Variants in ATG10 observed in about 807,000 individuals in gnomAD.
The protein encoded by ATG10 is ubiquitin-like-conjugating enzyme ATG10.
A neutral mutation model predicts 32.1 loss-of-function variants in ATG10; 30 were observed. The ratio of observed to expected loss-of-function variants is 0.94; its 90% confidence interval spans 0.70 to 1.27. ATG10 has a LOEUF of 1.27. Ranked by LOEUF, ATG10 falls within the 50% of genes most tolerant of loss-of-function variation. ATG10 has a pLI of 0.00. For missense variants in ATG10, 233 were observed against 262.3 expected (o/e 0.89, Z 0.77); for synonymous variants, 87 against 91.5 (o/e 0.95, Z 0.28).
chr5:82,112,273 C>T (rs546978846), intron 3 of ATG10, among the ~76,000 whole-genome samples: 113 of 151,856 alleles, frequency 7.4e-4, no homozygotes, highest in Non-Finnish European at 1.2e-3. Context: ...TCCTGAAATA[C>T]AAATTTAATG....
intron 3 of ATG10, among the ~76,000 whole-genome samples, chr5:82,123,921 G>A (rs777206698): frequency 1.3e-5 from 2 of 151,978 alleles, no homozygotes; most frequent in Non-Finnish European, 2.9e-5. Flanking sequence ...GGGTGACAGA[G>A]CAAGACCCTG....
intron 2 of ATG10, among the ~76,000 whole-genome samples, chr5:82,019,628 A>G (rs1426705238): frequency 6.6e-6 from 1 of 152,184 alleles, no homozygotes; most frequent in Non-Finnish European, 1.5e-5. Context: ...TTCTTAATGA[A>G]AAACCACTCT....
At chr5:82,063,985 A>C (rs763967223) in intron 3 of ATG10, among the ~76,000 whole-genome samples, 29 of 152,220 alleles carry the variant, frequency 1.9e-4, no homozygotes, top group Non-Finnish European at 2.2e-4. Context: ...AAAAGTTAAA[A>C]AAATTGAATA....
intron 5 of ATG10, chr5:82,242,951 C>T (rs1297640866): frequency 1.1e-5 from 4 of 361,930 alleles, no homozygotes; most frequent in East Asian, 7.9e-5. Flanking sequence ...ACTAATAATA[C>T]CTACTTTCTG....
intron 5 of ATG10, among the ~76,000 whole-genome samples, chr5:82,189,178 C>T (rs1296023626): frequency 6.6e-6 from 1 of 152,086 alleles, no homozygotes; most frequent in Non-Finnish European, 1.5e-5. Flanking sequence ...ATAATACATA[C>T]ATATACTATA....
chr5:82,104,079 A>G (rs73768628), intron 3 of ATG10, among the ~76,000 whole-genome samples: 1,801 of 152,190 alleles, frequency 0.012, 24 homozygotes, highest in African/African-American at 0.042. Context: ...TTTTGTTTAT[A>G]CATTCTACAA....
At chr5:82,108,210 A>G (rs1765499368) in intron 3 of ATG10, among the ~76,000 whole-genome samples, 1 of 152,058 alleles carries the variant, frequency 6.6e-6, no homozygotes, top group African/African-American at 2.4e-5. Context: ...GAACTGAGAG[A>G]TTAAAGATTA....
chr5:82,169,363 T>C (rs1157454126), intron 4 of ATG10, among the ~76,000 whole-genome samples: 1 of 151,884 alleles, frequency 6.6e-6, no homozygotes, highest in African/African-American at 2.4e-5. Context: ...GTTGTTGTTA[T>C]TAATTTTATA....
intron 3 of ATG10, among the ~76,000 whole-genome samples, chr5:82,157,910 A>G (rs1296005836): frequency 6.6e-6 from 1 of 152,230 alleles, no homozygotes; most frequent in Non-Finnish European, 1.5e-5. Context: ...AAGGGATGTT[A>G]TGAATAAAGC....
chr5:82,211,262 T>C lies in ATG10; in HGVS notation c.453+32675T>C, dbSNP rs191602887. 3.6e-4 allele frequency among the ~76,000 whole-genome samples: 55 copies of C among 152,328 alleles called. No individual in the cohort carries two copies. The East Asian group carries it at 8.9e-3, about 25-fold the overall frequency. On this transcript the variant is annotated intron_variant, in intron 5 of 7. Transcript: ENST00000282185. ...TACTACTCTGTGAATTATTATGTAG[T>C]ACACATTTATGAAAACTGCCTCATT... is the stretch of plus-strand genomic sequence containing the variant.
chr5:82,066,401 A>G (rs1229464919), intron 3 of ATG10, among the ~76,000 whole-genome samples: 1 of 152,134 alleles, frequency 6.6e-6, no homozygotes, highest in Non-Finnish European at 1.5e-5. Flanking sequence ...TCCATTTACT[A>G]TCCTTATTAC....
At chr5:81,980,098 A>G (rs1456073319) in intron 1 of ATG10, among the ~76,000 whole-genome samples, 3 of 151,888 alleles carry the variant, frequency 2.0e-5, no homozygotes, top group African/African-American at 7.3e-5. Context: ...TAGAATTTTT[A>G]TCTCTACTGT....
At chr5:82,032,852 T>C (rs910159256) in intron 2 of ATG10, among the ~76,000 whole-genome samples, 1 of 152,108 alleles carries the variant, frequency 6.6e-6, no homozygotes, top group Non-Finnish European at 1.5e-5. Context: ...TATTAATTCA[T>C]CTAATCCCTT....
chr5:82,168,995 G>A (rs1743691071), intron 4 of ATG10, among the ~76,000 whole-genome samples: 1 of 152,122 alleles, frequency 6.6e-6, no homozygotes, highest in African/African-American at 2.4e-5. Context: ...TCTTGAAGAG[G>A]TTAGGAAAAG....
At position 82,254,732 on chromosome 5, in the gene ATG10, T is replaced by C. The variant is rs1289929404; in HGVS notation, c.*669T>C. 6.6e-6 allele frequency: 1 copy of C among 152,172 alleles called. No homozygotes were observed. The highest frequency in any genetic ancestry group is 6.5e-5 in the Admixed American group (1 of 15,278). 9.4% of individuals were successfully genotyped at this position (152,172 alleles called of 1,614,324 possible). A position where few individuals can be genotyped will look rare whatever the true frequency, so the allele number is the denominator to read the frequency against. On this transcript the variant is annotated 3_prime_UTR_variant, in exon 8 of 8. Transcript: ENST00000282185. The stretch of plus-strand genomic sequence containing the variant: ...GGAGATTGAGGGAGAAATGTATTTG[T>C]GTGTTCATTTTAATGTAAGATATAT...
intron 5 of ATG10, among the ~76,000 whole-genome samples, chr5:82,202,268 G>T (rs368569572): frequency 6.6e-6 from 1 of 152,084 alleles, no homozygotes; most frequent in Non-Finnish European, 1.5e-5. Context: ...TTTAAAATTA[G>T]ATTAATATTC....
At position 82,037,533 on chromosome 5, in the gene ATG10, C is replaced by T. The variant is rs563207487; in HGVS notation, c.109-20962C>T. ...AAGTGCTGGGATTACAGGCGTGAGC[C>T]ACCGCGCCCGGCCCCATTTACTTTT... On this transcript the variant is annotated intron_variant, in intron 2 of 7. Transcript: ENST00000282185. 3.5e-4 allele frequency among the ~76,000 whole-genome samples: 53 copies of T among 151,766 alleles called. 1 individual carries two copies. The highest frequency in any genetic ancestry group is 1.1e-3 in the African/African-American group (45 of 41,512).
At chr5:82,065,431 G>A (rs1054581574) in intron 3 of ATG10, among the ~76,000 whole-genome samples, 14 of 151,206 alleles carry the variant, frequency 9.3e-5, no homozygotes, top group Non-Finnish European at 1.8e-4. Flanking sequence ...GTAGTGAGCC[G>A]AGATTGCACC....
intron 2 of ATG10, among the ~76,000 whole-genome samples, chr5:82,053,471 G>T (rs1034041874): frequency 1.2e-4 from 19 of 152,284 alleles, no homozygotes; most frequent in Middle Eastern, 3.4e-3. Flanking sequence ...TTAAGAATTC[G>T]TTGCATGCCG....
Sources: gnomAD v4.1 joint callset for allele counts (sites outside exome capture counted in the v4.1 genomes callset) on GRCh38, gnomAD v4.1.1 for gene constraint, MANE v1.5 for transcripts, NCBI Gene and HGNC (gene_info 2026-07-23, HGNC 2026-07-21) for gene names.